Variants in DERA observed in about 807,000 individuals in gnomAD.
DERA encodes the protein deoxyribose-phosphate aldolase, also known as 2-deoxy-D-ribose 5-phosphate aldolase.
Under a neutral mutation model 41.1 loss-of-function variants are expected in DERA, and 15 were observed. The ratio of observed to expected loss-of-function variants is 0.37; its 90% confidence interval spans 0.24 to 0.56. The LOEUF (loss-of-function observed/expected upper bound fraction) is 0.56. Among genes scored for constraint, DERA ranks in the 20% least tolerant of loss-of-function variants. The probability of loss-of-function intolerance (pLI) is 0.81; values close to 1 mark genes in which losing one functional copy is unlikely to be tolerated. For missense variants in DERA, 396 were observed against 403.4 expected, an observed-to-expected ratio of 0.98 and a Z score of 0.16; for synonymous variants, 139 against 137.4, an observed-to-expected ratio of 1.01 and a Z score of -0.08.
In DERA at chr12:16,004,999, G is replaced by A. The variant is rs537490540; in HGVS notation, c.637+22563G>A. Among the ~76,000 whole-genome samples the A allele has an allele frequency of 8.5e-5, 13 of 152,294 alleles. No individual in the cohort carries two copies. The highest frequency in any genetic ancestry group is 5.2e-4 in the Admixed American group (8 of 15,304). On this transcript the variant is annotated intron_variant, in intron 6 of 8. Transcript: ENST00000428559. The surrounding 1 kb of genome is among the most constrained non-coding windows in gnomAD (Gnocchi z 4.2). ...AGGATTTGGTTTTATGCCCTGTAGA[G>A]TTCAAATTAAATTTTACTAAAAGGC...
At chr12:15,926,864 G>C (rs1199687223) in intron 1 of DERA, among the ~76,000 whole-genome samples, 1 of 152,156 alleles carries the variant, frequency 6.6e-6, no homozygotes, top group East Asian at 1.9e-4. Context: ...CAGCCCTCAT[G>C]CCTTAGGGCA....
chr12:15,920,816 A>G (rs934234725), intron 1 of DERA, among the ~76,000 whole-genome samples: 2 of 152,188 alleles, frequency 1.3e-5, no homozygotes, highest in Non-Finnish European at 1.5e-5. Context: ...TCCTGGTGAT[A>G]CATCCGGAGC....
intron 6 of DERA, among the ~76,000 whole-genome samples, chr12:15,991,770 T>C (rs1327063539): frequency 6.6e-6 from 1 of 152,132 alleles, no homozygotes; most frequent in Non-Finnish European, 1.5e-5. Flanking sequence ...TCTTACATGA[T>C]ACAATTAGAA....
intron 7 of DERA, chr12:16,032,952 CT>C (rs1407006003): frequency 3.5e-6 from 1 of 289,110 alleles, no homozygotes; most frequent in African/African-American, 2.3e-5. Flanking sequence ...TAAATGGGTT[CT>C]TTAACGAACT....
At chr12:15,986,165 GCTT>G (rs1341453018) in intron 6 of DERA, among the ~76,000 whole-genome samples, 1 of 152,056 alleles carries the variant, frequency 6.6e-6, no homozygotes, top group Non-Finnish European at 1.5e-5. Context: ...GGCCACACCA[GCTT>G]TCTTGTGTTT....
rs369885387 is a variant in DERA, at chr12:15,943,705, T to TTTTA, written c.32-13199_32-13196dup. 0.26 allele frequency among the ~76,000 whole-genome samples: 37,182 copies of TTTTA among 144,040 alleles called. 5,005 individuals carry two copies. The highest frequency in any genetic ancestry group is 0.33 in the Admixed American group (4,744 of 14,296). The allele number at this position is 144,040 out of a possible 152,430, so 94.5% of individuals were successfully genotyped here. A position where few individuals can be genotyped will look rare whatever the true frequency, so the allele number is the denominator to read the frequency against. ...TGTTTCTTCTTTTTTATTTTTTAATTTTTATTTATTTATTTATTTATTTAT... is the reference window on the plus strand; with the variant it reads ...TGTTTCTTCTTTTTTATTTTTTAATTTTTATTTATTTATTTATTTATTTATTTAT... On this transcript the variant is annotated intron_variant, in intron 1 of 8. Coordinates refer to ENST00000428559, the MANE Select transcript of DERA (RefSeq NM_015954.4). This position sits in a 1 kb window ranked among gnomAD's most constrained non-coding sequence, Gnocchi z 4.5.
rs1336760682 is a variant in DERA at position 16,000,173 on chromosome 12, G to A, written c.637+17737G>A. Among the ~76,000 whole-genome samples the A allele has an allele frequency of 3.3e-5, 5 of 152,150 alleles. No individual in the cohort carries two copies. Among genetic ancestry groups the A allele is most frequent in the South Asian group, 2.1e-4 (1 of 4,824 alleles). On this transcript the variant is annotated intron_variant, in intron 6 of 8. Coordinates refer to ENST00000428559, the MANE Select transcript of DERA (RefSeq NM_015954.4). This position sits in a 1 kb window ranked among gnomAD's most constrained non-coding sequence, Gnocchi z 4.8. ...GTCAGGATAGGGAATTTAAGAGGAC[G>A]AAGTCTTTTTCCCAGCCCAGGAACC...
intron 1 of DERA, among the ~76,000 whole-genome samples, chr12:15,925,439 A>T (rs1948274967): frequency 1.3e-5 from 2 of 152,196 alleles, no homozygotes; most frequent in Admixed American, 6.5e-5. Flanking sequence ...ACCTATCTGT[A>T]AACTTTGGAG....
At chr12:15,946,827 A>G (rs984058652) in intron 1 of DERA, among the ~76,000 whole-genome samples, 3 of 152,114 alleles carry the variant, frequency 2.0e-5, no homozygotes, top group East Asian at 1.9e-4. Context: ...TAGGGTGTCA[A>G]TTTTAGATCT....
rs778858181 is a variant in DERA at position 15,921,708 on chromosome 12, G to A, written c.31+10294G>A. 6.6e-6 allele frequency among the ~76,000 whole-genome samples: 1 copy of A among 152,020 alleles called. No homozygotes were observed. The highest frequency in any genetic ancestry group is 1.5e-5 in the Non-Finnish European group (1 of 68,028). On this transcript the variant is annotated intron_variant, in intron 1 of 8. Transcript: ENST00000428559. This position sits in a 1 kb window ranked among gnomAD's most constrained non-coding sequence, Gnocchi z 5.3. ...AATCTGAGGTGGGCAGATCATCTGAGTTCAGGCATTCGAGACCAGCCTGGT... is the reference window on the plus strand; with the variant it reads ...AATCTGAGGTGGGCAGATCATCTGAATTCAGGCATTCGAGACCAGCCTGGT...
Position 15,967,202 on chromosome 12 carries a change from T to A in DERA, c.508+4255T>A, listed in dbSNP as rs573916738. ...CCATCTCTGCATAAAAAAAAAAAAA[T>A]GCAAAAATTAGCCTGGTGTTGTGGT... On this transcript the variant is annotated intron_variant, in intron 5 of 8. Coordinates refer to ENST00000428559, the MANE Select transcript of DERA (RefSeq NM_015954.4). This position sits in a 1 kb window ranked among gnomAD's most constrained non-coding sequence, Gnocchi z 4.9. 6.4e-3 allele frequency among the ~76,000 whole-genome samples: 958 copies of A among 148,598 alleles called. 4 individuals carry two copies. The highest frequency in any genetic ancestry group is 9.1e-3 in the Non-Finnish European group (611 of 67,282).
In DERA at chr12:15,941,561, A is replaced by G. The variant is rs1046312607; in HGVS notation, c.32-15375A>G. 2.0e-5 allele frequency among the ~76,000 whole-genome samples: 3 copies of G among 152,112 alleles called. No homozygotes were observed. Among genetic ancestry groups the G allele is most frequent in the South Asian group, 4.1e-4 (2 of 4,826 alleles). ...TCCCGCTGAATCCTCAGAGTTCGCT[A>G]TATCATCCTTATGCCTTTGTGTCCT... On this transcript the variant is annotated intron_variant, in intron 1 of 8. Coordinates refer to ENST00000428559, the MANE Select transcript of DERA (RefSeq NM_015954.4). This position sits in a 1 kb window ranked among gnomAD's most constrained non-coding sequence, Gnocchi z 4.5.
In DERA at chr12:15,976,988, C is replaced by G. The variant is rs565531059; in HGVS notation, c.509-5320C>G. Among the ~76,000 whole-genome samples the G allele has an allele frequency of 1.3e-5, 2 of 152,210 alleles. No homozygotes were observed. Among genetic ancestry groups the G allele is most frequent in the South Asian group, 4.1e-4 (2 of 4,822 alleles). On this transcript the variant is annotated intron_variant, in intron 5 of 8. Transcript: ENST00000428559. This position sits in a 1 kb window ranked among gnomAD's most constrained non-coding sequence, Gnocchi z 4.1. ...TAGAGATCATTTTTAGTGTATTATACAAAATTTAGTATCTTATATTTCTGA... is the reference window on the plus strand; with the variant it reads ...TAGAGATCATTTTTAGTGTATTATAGAAAATTTAGTATCTTATATTTCTGA...
intron 1 of DERA, among the ~76,000 whole-genome samples, chr12:15,948,812 T>A (rs970554639): frequency 1.4e-4 from 22 of 152,306 alleles, no homozygotes; most frequent in African/African-American, 4.8e-4. Context: ...GCTCTGTTTT[T>A]CCCCCATCTT....
rs10846269 is a variant in DERA, at chr12:16,026,983, G to A, written c.638-5559G>A. 0.52 allele frequency among the ~76,000 whole-genome samples: 79,646 copies of A among 151,982 alleles called. 23,387 individuals carry two copies. The highest frequency in any genetic ancestry group is 0.74 in the East Asian group (3,829 of 5,178). ...CCACAACCAAGTGTGATTTATTCCA[G>A]GTATGCAAGTCTGGTTCAACATAAT... On this transcript the variant is annotated intron_variant, in intron 6 of 8. Transcript: ENST00000428559. The surrounding 1 kb of genome is among the most constrained non-coding windows in gnomAD (Gnocchi z 4.4).
At chr12:15,917,401 G>T (rs1948208473) in intron 1 of DERA, among the ~76,000 whole-genome samples, 2 of 151,984 alleles carry the variant, frequency 1.3e-5, no homozygotes, top group Admixed American at 1.3e-4. Context: ...AGTTAATGTG[G>T]GTTTTATGTC....
At chr12:16,006,224 C>T (rs1431273199) in intron 6 of DERA, among the ~76,000 whole-genome samples, 1 of 152,124 alleles carries the variant, frequency 6.6e-6, no homozygotes, top group Non-Finnish European at 1.5e-5. Context: ...CTCTTGCTCC[C>T]AATGAAAAGA....
At chr12:15,974,726 T>G (rs1948685903) in intron 5 of DERA, among the ~76,000 whole-genome samples, 1 of 152,214 alleles carries the variant, frequency 6.6e-6, no homozygotes, top group African/African-American at 2.4e-5. Context: ...CATCTAACTT[T>G]TATTCACTCT....
intron 1 of DERA, 72 bp from the exon 2 acceptor site, chr12:15,956,864 G>A: frequency 9.5e-7 from 1 of 1,055,876 alleles, no homozygotes; most frequent in Non-Finnish European, 1.5e-6. Context: ...TCCTTTCAAG[G>A]ACCATGTAAA....
Sources: gnomAD v4.1 joint callset for allele counts (sites outside exome capture counted in the v4.1 genomes callset) on GRCh38, gnomAD v4.1.1 for gene constraint, Gnocchi (gnomAD v3.1) non-coding constraint, MANE v1.5 for transcripts, NCBI Gene and HGNC (gene_info 2026-07-23, HGNC 2026-07-21) for gene names.